The following CYRIA variants were observed in gnomAD, a reference collection of about 807,000 sequenced individuals.
CYRIA encodes CYFIP related Rac1 interactor A.
CYRIA carries 15 observed loss-of-function variants against 43.9 expected under a neutral mutation model. That is an observed-to-expected ratio of 0.34 (90% confidence interval 0.23 to 0.53). The LOEUF is 0.53. CYRIA is among the 20% of genes least tolerant of loss of function. The pLI, the probability that CYRIA is intolerant of heterozygous loss-of-function variation, is 0.94. For missense variants in CYRIA, 236 were observed against 394.2 expected, an observed-to-expected ratio of 0.60 and a Z score of 3.40; for synonymous variants, 117 against 136.0, an observed-to-expected ratio of 0.86 and a Z score of 0.97.
intron 2 of CYRIA, among the ~76,000 whole-genome samples, chr2:16,607,290 G>A (rs1417193837): frequency 6.6e-6 from 1 of 150,400 alleles, no homozygotes; most frequent in Non-Finnish European, 1.5e-5. Flanking sequence ...AGAGTGGTGG[G>A]AGGTGGGCCT....
chr2:16,605,045 T>C (rs936032332), intron 2 of CYRIA, among the ~76,000 whole-genome samples: 1 of 152,140 alleles, frequency 6.6e-6, no homozygotes, highest in Non-Finnish European at 1.5e-5. Flanking sequence ...ATTAATACCA[T>C]GGTGTCCCTC....
intron 2 of CYRIA, among the ~76,000 whole-genome samples, chr2:16,611,046 G>C (rs1025348983): frequency 1.3e-5 from 2 of 151,528 alleles, no homozygotes; most frequent in Admixed American, 1.3e-4. Flanking sequence ...ATCTAGCACA[G>C]TTCTTAATAC....
intron 2 of CYRIA, chr2:16,623,063 G>T (rs1480350993): frequency 6.6e-6 from 1 of 152,254 alleles, no homozygotes; most frequent in Non-Finnish European, 1.5e-5. Flanking sequence ...ACTAGTGCAA[G>T]AGTGAAGATG....
chr2:16,584,462 T>C (rs1667655708), intron 3 of CYRIA, among the ~76,000 whole-genome samples: 1 of 152,196 alleles, frequency 6.6e-6, no homozygotes, highest in Admixed American at 6.5e-5. Context: ...ACCTCTCTCA[T>C]GGATCCTTGG....
chr2:16,658,537 G>C (rs145771960), intron 1 of CYRIA, among the ~76,000 whole-genome samples: 3 of 152,340 alleles, frequency 2.0e-5, no homozygotes, highest in Admixed American at 1.3e-4. Context: ...ACCCAGGTCT[G>C]TTTGCTTCCA....
rs111617621 is a variant in CYRIA at position 16,657,523 on chromosome 2, G to C, written c.-167+8257C>G. Among the ~76,000 whole-genome samples, 455 of 149,944 alleles carry C rather than the reference G, an allele frequency of 3.0e-3. 3 individuals are homozygous for C. Among genetic ancestry groups the C allele is most frequent in the African/African-American group, 9.6e-3 (393 of 40,800 alleles). On this transcript the variant is annotated intron_variant, in intron 1 of 11. Transcript: ENST00000381323. The stretch of plus-strand genomic sequence containing the variant: ...GTTGTTTTGTTTTTGTGCCAAGCAT[G>C]GTCATTTAATTCAGTTAATTGAGAA...
chr2:16,612,580 G>A (rs572797680), intron 2 of CYRIA, among the ~76,000 whole-genome samples: 57 of 152,302 alleles, frequency 3.7e-4, no homozygotes, highest in Admixed American at 2.6e-3. Context: ...GATTTGAGAA[G>A]AGCCTGCCAC....
At chr2:16,588,287 G>A (rs1667805647) in intron 2 of CYRIA, among the ~76,000 whole-genome samples, 158 bp from the exon 3 acceptor site, 1 of 152,030 alleles carries the variant, frequency 6.6e-6, no homozygotes. Flanking sequence ...TTTCTAAATT[G>A]GTGACAGATA....
chr2:16,647,576 C>A (rs1669853524), intron 1 of CYRIA, among the ~76,000 whole-genome samples: 1 of 152,228 alleles, frequency 6.6e-6, no homozygotes, highest in African/African-American at 2.4e-5. Context: ...ACCCATACTA[C>A]AAGGCCCTGC....
intron 1 of CYRIA, among the ~76,000 whole-genome samples, chr2:16,647,518 A>G (rs1669851702): frequency 6.6e-6 from 1 of 152,162 alleles, no homozygotes. Context: ...AGAGCTTAGC[A>G]CACGATGTGT....
At chr2:16,614,557 G>A (rs2103496367) in intron 2 of CYRIA, among the ~76,000 whole-genome samples, 1 of 152,292 alleles carries the variant, frequency 6.6e-6, no homozygotes, top group Non-Finnish European at 1.5e-5. Context: ...GAGCCTGCAA[G>A]CCTCCCAGAC....
intron 3 of CYRIA, among the ~76,000 whole-genome samples, chr2:16,574,932 C>T (rs984513349): frequency 1.3e-5 from 2 of 152,176 alleles, no homozygotes; most frequent in Non-Finnish European, 2.9e-5. Context: ...GGCCACCATC[C>T]TCCAGACCCC....
intron 2 of CYRIA, among the ~76,000 whole-genome samples, chr2:16,615,729 A>G (rs1270250256): frequency 6.6e-6 from 1 of 152,266 alleles, no homozygotes. Flanking sequence ...CTAGATCGCT[A>G]AATGCAATGC....
rs5829556 is a variant in CYRIA, at chr2:16,586,648, CAA to C, written c.70+1400_70+1401del. ...GCTATTTAAAACCTGCCAAAGACAC[CAA>C]AAAAAAAAAAAATACACCTACGGAG... On this transcript the variant is annotated intron_variant, in intron 3 of 11. Transcript: ENST00000381323. 4.7e-3 allele frequency among the ~76,000 whole-genome samples: 677 copies of C among 144,584 alleles called. 3 individuals carry two copies. The highest frequency in any genetic ancestry group is 7.5e-3 in the Admixed American group (109 of 14,514). 94.9% of individuals were successfully genotyped at this position (144,584 alleles called of 152,430 possible). A position where few individuals can be genotyped will look rare whatever the true frequency, so the allele number is the denominator to read the frequency against.
rs541299719 is a variant in CYRIA at position 16,555,607 on chromosome 2, GCAAA to G, written c.838-472_838-469del. On this transcript the variant is annotated intron_variant, in intron 10 of 11. Coordinates refer to ENST00000381323, the MANE Select transcript of CYRIA (RefSeq NM_030797.4). ...TTTCTGTCCTTCACCTGTTTGACTGGCAAACCCTTAACACTTATTTTAGACCCAG... is the reference window on the plus strand; with the variant it reads ...TTTCTGTCCTTCACCTGTTTGACTGGCCCTTAACACTTATTTTAGACCCAG... 2.0e-5 allele frequency among the ~76,000 whole-genome samples: 3 copies of G among 152,086 alleles called. No individual in the cohort carries two copies. The East Asian group carries it at 5.8e-4, about 29-fold the overall frequency.
At chr2:16,614,167 T>C (rs1668699280) in intron 2 of CYRIA, among the ~76,000 whole-genome samples, 1 of 152,128 alleles carries the variant, frequency 6.6e-6, no homozygotes, top group Non-Finnish European at 1.5e-5. Context: ...ACTCTGGAAA[T>C]GGAAATGCAC....
At chr2:16,658,020 C>T (rs1558445587) in intron 1 of CYRIA, among the ~76,000 whole-genome samples, 1 of 151,872 alleles carries the variant, frequency 6.6e-6, no homozygotes, top group Non-Finnish European at 1.5e-5. Context: ...ATTCAAGGAC[C>T]TGGATTTAAA....
rs1666330234 is a variant in CYRIA at position 16,551,943 on chromosome 2, G to A, written c.*993C>T. 1 of 152,042 alleles carries A rather than the reference G, an allele frequency of 6.6e-6. No homozygotes were observed. Among genetic ancestry groups the A allele is most frequent in the Admixed American group, 6.6e-5 (1 of 15,258 alleles). The allele number at this position is 152,042 out of a possible 1,614,324, so 9.4% of individuals were successfully genotyped here. A position where few individuals can be genotyped will look rare whatever the true frequency, so the allele number is the denominator to read the frequency against. On this transcript the variant is annotated 3_prime_UTR_variant, in exon 12 of 12. Transcript: ENST00000381323. Reference sequence around the variant, plus strand: ...CTACTTTTTAAAAACCTGGGAAATAGAAAACATGGATTTTTTTTCCCTCTA... The same window carrying A: ...CTACTTTTTAAAAACCTGGGAAATAAAAAACATGGATTTTTTTTCCCTCTA...
chr2:16,560,869 G>T (rs561007497), intron 9 of CYRIA, 121 bp downstream of exon 9: 10 of 843,850 alleles, frequency 1.2e-5, no homozygotes, highest in South Asian at 1.2e-4. Flanking sequence ...AATTAAAGCA[G>T]ATAATATACA....
Sources: allele counts gnomAD v4.1 joint callset (sites outside exome capture counted in the v4.1 genomes callset), GRCh38; gene constraint gnomAD v4.1.1; transcripts MANE v1.5; gene names NCBI Gene and HGNC (gene_info 2026-07-23, HGNC 2026-07-21).